Variants in TAOK3 observed in about 807,000 individuals in gnomAD.
The protein encoded by TAOK3 is TAO kinase 3, also known as serine/threonine-protein kinase TAO3.
Under a neutral mutation model 120.4 loss-of-function variants are expected in TAOK3, and 40 were observed. The ratio of observed to expected loss-of-function variants is 0.33; its 90% CI spans 0.26 to 0.43. TAOK3 has a LOEUF of 0.43. Among genes scored for constraint, TAOK3 ranks in the 20% least tolerant of loss-of-function variants. The pLI is 1.00. For missense variants in TAOK3, 821 were observed against 1,112.1 expected (o/e 0.74, Z 3.72); for synonymous variants, 355 against 387.5 (o/e 0.92, Z 0.99).
intron 1 of TAOK3, among the ~76,000 whole-genome samples, chr12:118,344,757 A>T (rs891049309): frequency 6.6e-6 from 1 of 152,198 alleles, no homozygotes; most frequent in African/African-American, 2.4e-5. Context: ...AATACTATTA[A>T]CAGTGTTATG....
rs540709978 is a variant in TAOK3 at position 118,215,553 on chromosome 12, A to G, written c.644-1443T>C. On this transcript the variant is annotated intron_variant, in intron 9 of 20. Transcript: ENST00000392533. ...CAACAAAAATCACTAACAGAGCATG[A>G]GAGATAAGCCAATTATATTCAGTAA... Among the ~76,000 whole-genome samples the G allele has an allele frequency of 1.6e-4, 24 of 151,986 alleles. No individual in the cohort carries two copies. The East Asian group carries it at 4.5e-3, about 28-fold the overall frequency.
chr12:118,177,510 A>ATT (rs2036420777), intron 15 of TAOK3, among the ~76,000 whole-genome samples, 181 bp from the exon 16 acceptor site: 1 of 151,908 alleles, frequency 6.6e-6, no homozygotes, highest in African/African-American at 2.4e-5. Context: ...AAAAAAAAAA[A>ATT]CACCAGAAAT....
At position 118,161,556 on chromosome 12, in the gene TAOK3, G is replaced by A. The variant is rs1158118529; in HGVS notation, c.2139+232C>T. Among the ~76,000 whole-genome samples, 2 of 152,372 alleles carry A rather than the reference G, an allele frequency of 1.3e-5. No homozygotes were observed. The highest frequency in any genetic ancestry group is 3.4e-3 in the Middle Eastern group (1 of 294). On this transcript the variant is annotated intron_variant, in intron 18 of 20. Transcript: ENST00000392533. The surrounding 1 kb of genome is among the most constrained non-coding windows in gnomAD (Gnocchi z 4.5). The stretch of plus-strand genomic sequence containing the variant: ...CTCAGAGAAATTCCATAATGGATAT[G>A]ATGACAAATTGATAGATAATGTAGT...
chr12:118,332,409 C>G (rs1484060833), intron 1 of TAOK3, among the ~76,000 whole-genome samples: 1 of 152,062 alleles, frequency 6.6e-6, no homozygotes, highest in Admixed American at 6.6e-5. Context: ...TGAAGCTTCT[C>G]TCTTTTCTCA....
At chr12:118,277,972 T>G (rs2140381238) in intron 1 of TAOK3, among the ~76,000 whole-genome samples, 2 of 152,258 alleles carry the variant, frequency 1.3e-5, no homozygotes, top group Middle Eastern at 3.4e-3. Context: ...CTAATTACCC[T>G]TGAAAATTCC....
chr12:118,304,844 G>A (rs536684107), intron 1 of TAOK3, among the ~76,000 whole-genome samples: 77 of 152,230 alleles, frequency 5.1e-4, no homozygotes, highest in Admixed American at 4.6e-3. Flanking sequence ...CTCATTTTCC[G>A]TTGCTATGAA....
At chr12:118,233,553 T>A (rs1032308617) in intron 9 of TAOK3, 121 bp downstream of exon 9, 10 of 759,108 alleles carry the variant, frequency 1.3e-5, no homozygotes, top group Middle Eastern at 3.1e-4. Context: ...TACCAGTAAC[T>A]CATTAAGTAA....
intron 1 of TAOK3, among the ~76,000 whole-genome samples, chr12:118,318,158 CT>C (rs766334747): frequency 0.011 from 1,444 of 133,216 alleles, 5 homozygotes; most frequent in African/African-American, 0.02. Flanking sequence ...AGCTATAAAA[CT>C]TTTTTTTTTT....
chr12:118,312,315 T>C (rs940811112), intron 1 of TAOK3, among the ~76,000 whole-genome samples: 1 of 151,850 alleles, frequency 6.6e-6, no homozygotes, highest in Non-Finnish European at 1.5e-5. Flanking sequence ...AAAAATCTAG[T>C]CCCTTAATTT....
At chr12:118,347,771 G>A (rs781653300) in intron 1 of TAOK3, among the ~76,000 whole-genome samples, 66 of 152,086 alleles carry the variant, frequency 4.3e-4, no homozygotes, top group South Asian at 1.0e-3. Flanking sequence ...ATGCCAAGCC[G>A]TTAATGCCCT....
intron 11 of TAOK3, among the ~76,000 whole-genome samples, chr12:118,208,389 A>C (rs2038444686): frequency 6.6e-6 from 1 of 151,510 alleles, no homozygotes; most frequent in Admixed American, 6.6e-5. Flanking sequence ...CCTTTCCACA[A>C]AACATCAGCA....
chr12:118,358,275 A>G (rs2045474707), intron 1 of TAOK3, among the ~76,000 whole-genome samples: 2 of 152,224 alleles, frequency 1.3e-5, no homozygotes, highest in South Asian at 4.1e-4. Context: ...TTATTTTTAT[A>G]CTTTCATAAG....
At chr12:118,322,492 A>T (rs1189382267) in intron 1 of TAOK3, among the ~76,000 whole-genome samples, 2 of 151,952 alleles carry the variant, frequency 1.3e-5, no homozygotes, top group Non-Finnish European at 2.9e-5. Context: ...CTTTTCTATA[A>T]AGCTCCTGTA....
intron 9 of TAOK3, among the ~76,000 whole-genome samples, chr12:118,225,899 A>G (rs929120253): frequency 1.3e-5 from 2 of 152,120 alleles, no homozygotes; most frequent in African/African-American, 2.4e-5. Flanking sequence ...TCTCTCAGCA[A>G]TTTCAACTTT....
At chr12:118,275,306 C>G (rs570416000) in intron 1 of TAOK3, among the ~76,000 whole-genome samples, 4 of 152,028 alleles carry the variant, frequency 2.6e-5, no homozygotes, top group East Asian at 1.9e-4. Flanking sequence ...GCCCAGCTAA[C>G]TTATTTTTTG....
chr12:118,335,689 GGGC>G (rs929853625), intron 1 of TAOK3, among the ~76,000 whole-genome samples: 6 of 152,126 alleles, frequency 3.9e-5, no homozygotes, highest in Admixed American at 1.3e-4. Context: ...AAAATTACCC[GGGC>G]GTGGTGGTGG....
chr12:118,244,533 C>CTTT lies in TAOK3; in HGVS notation c.192+358_192+360dup, dbSNP rs71069434. Among the ~76,000 whole-genome samples, 4 of 123,962 alleles carry CTTT rather than the reference C, an allele frequency of 3.2e-5. No homozygotes were observed. The South Asian group carries it at 9.4e-4, about 29-fold the overall frequency. 81.3% of individuals were successfully genotyped at this position (123,962 alleles called of 152,430 possible). A position where few individuals can be genotyped will look rare whatever the true frequency, so the allele number is the denominator to read the frequency against. ...TTTTGTTAATTTCTTTTTTCTTTTT[C>CTTT]TTTTTTTTTTTTTGAGACAGAGCCT... On this transcript the variant is annotated intron_variant, in intron 4 of 20. Coordinates refer to ENST00000392533, the MANE Select transcript of TAOK3 (RefSeq NM_016281.4).
At chr12:118,207,314 G>A (rs532227702) in intron 11 of TAOK3, among the ~76,000 whole-genome samples, 1 of 140,680 alleles carries the variant, frequency 7.1e-6, no homozygotes, top group African/African-American at 2.7e-5. Context: ...CAACAAGAGC[G>A]AAACTCCGTC....
intron 1 of TAOK3, among the ~76,000 whole-genome samples, chr12:118,365,793 A>G (rs1593714809): frequency 6.6e-6 from 1 of 152,226 alleles, no homozygotes; most frequent in East Asian, 1.9e-4. Context: ...AACTGCTATA[A>G]AACAACAGAA....
Sources: allele counts gnomAD v4.1 joint callset (sites outside exome capture counted in the v4.1 genomes callset), GRCh38; gene constraint gnomAD v4.1.1; non-coding constraint Gnocchi (gnomAD v3.1); transcripts MANE v1.5; gene names NCBI Gene and HGNC (gene_info 2026-07-23, HGNC 2026-07-21).